DPRX: variants seen among roughly 807,000 people sequenced by gnomAD.
The protein encoded by DPRX is divergent-paired related homeobox, also known as divergent paired-related homeobox.
A neutral mutation model predicts 8.4 loss-of-function variants in DPRX; 11 were observed. The observed-to-expected ratio is 1.31, with a 90% CI of 0.82 to 2.17. The LOEUF (loss-of-function observed/expected upper bound fraction) is 2.17, where lower values mean the gene tolerates loss of function less well. Among genes scored for constraint, DPRX ranks in the 30% most tolerant of loss-of-function variants. The pLI, the probability that DPRX is intolerant of heterozygous loss-of-function variation, is 0.00. For missense variants in DPRX, 211 were observed against 236.7 expected (o/e 0.89, Z 0.71); for synonymous variants, 72 against 87.0 (o/e 0.83, Z 0.96).
chr19:53,615,812 G>A, the DPRX span, among the ~76,000 whole-genome samples: 1 of 151,830 alleles, frequency 6.6e-6, no homozygotes, highest in East Asian at 1.9e-4. Flanking sequence ...TGTTTAAGAG[G>A]TGTTTCCTGG....
chr19:53,603,725 T>C, the DPRX span, among the ~76,000 whole-genome samples: 15 of 151,890 alleles, frequency 9.9e-5, no homozygotes, highest in Admixed American at 9.9e-4. Flanking sequence ...TCTTTCTTTT[T>C]TTCCTTTTTT....
intron 2 of DPRX, among the ~76,000 whole-genome samples, chr19:53,635,689 T>C (rs970395035): frequency 6.6e-6 from 1 of 152,166 alleles, no homozygotes; most frequent in Non-Finnish European, 1.5e-5. Context: ...CCAGTAGTAT[T>C]CTTTTATTTT....
chr19:53,621,140 A>T, the DPRX span, among the ~76,000 whole-genome samples: 53 of 151,310 alleles, frequency 3.5e-4, no homozygotes, highest in Non-Finnish European at 6.5e-4. Flanking sequence ...TTTATTTTTT[A>T]TTTTTTTTCA....
the DPRX span, among the ~76,000 whole-genome samples, chr19:53,605,337 C>T: frequency 2.0e-4 from 30 of 152,060 alleles, no homozygotes; most frequent in African/African-American, 6.7e-4. Flanking sequence ...CTCAGCCTCC[C>T]GAGTAGCTGG....
At chr19:53,631,665 C>G (rs1714178353), upstream of DPRX, among the ~76,000 whole-genome samples, 1 of 152,012 alleles carries the variant, frequency 6.6e-6, no homozygotes, top group Non-Finnish European at 1.5e-5. Context: ...GAGGCTGAGA[C>G]ATGAGAATCC....
chr19:53,635,785 G>T (rs370516204), intron 2 of DPRX, among the ~76,000 whole-genome samples: 1 of 152,016 alleles, frequency 6.6e-6, no homozygotes. Context: ...ATTTTAAAAC[G>T]TAAAGCCTAT....
At chr19:53,634,726 A>G (rs1404093186) in intron 2 of DPRX, 41 bp downstream of exon 2, 6 of 1,587,678 alleles carry the variant, frequency 3.8e-6, no homozygotes, top group Non-Finnish European at 5.1e-6. Flanking sequence ...TGCCTTCCTG[A>G]TCTAATCTAA....
the DPRX span, among the ~76,000 whole-genome samples, chr19:53,602,535 A>AAT: frequency 8.1e-6 from 1 of 124,184 alleles, no homozygotes; most frequent in African/African-American, 3.0e-5. Flanking sequence ...AATTTTTTGT[A>AAT]TTTTTTTTTT....
the DPRX span, chr19:53,602,081 C>T: frequency 7.2e-5 from 33 of 456,650 alleles, no homozygotes; most frequent in Non-Finnish European, 1.1e-4. Context: ...GCAACACAGC[C>T]GCTGCGATGT....
chr19:53,630,787 T>C (rs1009450563), upstream of DPRX, among the ~76,000 whole-genome samples: 4 of 151,980 alleles, frequency 2.6e-5, no homozygotes, highest in Non-Finnish European at 4.4e-5. Context: ...AAACTGCCCT[T>C]GTCGTCAAGA....
chr19:53,613,891 A>G, the DPRX span, among the ~76,000 whole-genome samples: 1 of 151,090 alleles, frequency 6.6e-6, no homozygotes, highest in Non-Finnish European at 1.5e-5. Flanking sequence ...CCGTGTGGAT[A>G]TTTTGCCTTT....
At chr19:53,623,338 T>TAAAG in the DPRX span, among the ~76,000 whole-genome samples, 4 of 142,878 alleles carry the variant, frequency 2.8e-5, no homozygotes, top group Admixed American at 1.4e-4. Flanking sequence ...AATAAATAAA[T>TAAAG]AAATAAAAGG....
the DPRX span, among the ~76,000 whole-genome samples, chr19:53,625,649 T>C: frequency 6.6e-6 from 1 of 151,942 alleles, no homozygotes; most frequent in African/African-American, 2.4e-5. Flanking sequence ...ATTCCTTTTT[T>C]TTTTTTGAGA....
the DPRX span, among the ~76,000 whole-genome samples, chr19:53,615,923 T>G: frequency 6.6e-6 from 1 of 151,658 alleles, no homozygotes; most frequent in African/African-American, 2.4e-5. Flanking sequence ...GGCAACATAG[T>G]GAAACCCTTG....
the DPRX span, chr19:53,606,678 CGGG>C: frequency 2.2e-5 from 3 of 135,184 alleles, no homozygotes; most frequent in African/African-American, 8.2e-5. The surrounding 1 kb of genome is among the most constrained non-coding windows in gnomAD (Gnocchi z 4.8). Context: ...TCTTCTCCTG[CGGG>C]ACAGGTATAT....
chr19:53,604,226 C>T, the DPRX span, among the ~76,000 whole-genome samples: 2 of 151,984 alleles, frequency 1.3e-5, no homozygotes, highest in African/African-American at 4.8e-5. Context: ...GGGACTGGTA[C>T]TATCCGCGGT....
At chr19:53,608,891 G>C in the DPRX span, among the ~76,000 whole-genome samples, 1 of 143,212 alleles carries the variant, frequency 7.0e-6, no homozygotes, top group East Asian at 2.2e-4. Context: ...GGAGGCAGAG[G>C]TTGCAGTGAG....
the DPRX span, among the ~76,000 whole-genome samples, chr19:53,614,592 T>C: frequency 1.3e-5 from 2 of 152,304 alleles, no homozygotes; most frequent in East Asian, 3.9e-4. Flanking sequence ...GTTAATTTTA[T>C]TTTATTTTCT....
chr19:53,601,909 T>C, the DPRX span: 2 of 399,006 alleles, frequency 5.0e-6, no homozygotes, highest in Non-Finnish European at 1.0e-5. Context: ...CTGCCCTTTT[T>C]ACCCCTGGTC....
Sources: gnomAD v4.1 joint callset for allele counts (sites outside exome capture counted in the v4.1 genomes callset) on GRCh38, gnomAD v4.1.1 for gene constraint, Gnocchi (gnomAD v3.1) non-coding constraint, MANE v1.5 for transcripts, NCBI Gene and HGNC (gene_info 2026-07-23, HGNC 2026-07-21) for gene names.